Variants in CAAP1 observed in about 807,000 individuals in gnomAD.
CAAP1 encodes conserved anti-apoptotic protein.
CAAP1 carries 20 observed loss-of-function variants against 34.0 expected under a neutral mutation model. The ratio of observed to expected loss-of-function variants is 0.59; its 90% confidence interval spans 0.41 to 0.86. The LOEUF is 0.86. Ranked by LOEUF, CAAP1 falls within the 40% of genes least tolerant of loss-of-function variation. CAAP1 has a pLI of 0.00. For missense variants in CAAP1, 538 were observed against 450.5 expected (o/e 1.19, Z -1.76); for synonymous variants, 213 against 166.7 (o/e 1.28, Z -2.14).
intron 5 of CAAP1, among the ~76,000 whole-genome samples, chr9:26,852,004 T>C (rs538662043): frequency 2.6e-5 from 4 of 152,292 alleles, no homozygotes; most frequent in South Asian, 2.1e-4. Context: ...CAGAAAGAGA[T>C]ACTAGAGACT....
intron 4 of CAAP1, among the ~76,000 whole-genome samples, chr9:26,873,197 G>C (rs1047283241): frequency 6.6e-6 from 1 of 152,228 alleles, no homozygotes; most frequent in African/African-American, 2.4e-5. Flanking sequence ...ACCCGTGATT[G>C]AGCCAATGCA....
At chr9:26,866,019 G>C (rs1382492654) in intron 4 of CAAP1, among the ~76,000 whole-genome samples, 1 of 152,020 alleles carries the variant, frequency 6.6e-6, no homozygotes, top group Non-Finnish European at 1.5e-5. Flanking sequence ...GTTAATTTTT[G>C]TATTTTCAGT....
intron 5 of CAAP1, among the ~76,000 whole-genome samples, chr9:26,848,268 C>T (rs1308254873): frequency 1.3e-5 from 2 of 152,156 alleles, no homozygotes; most frequent in Admixed American, 6.5e-5. Context: ...TAACCCAGCA[C>T]TTTGGGAGGC....
chr9:26,871,595 G>A (rs964095799), intron 4 of CAAP1, among the ~76,000 whole-genome samples: 3 of 138,142 alleles, frequency 2.2e-5, no homozygotes, highest in Non-Finnish European at 4.6e-5. Context: ...AAAAAAAAAA[G>A]ATGGTGAGTA....
chr9:26,881,927 G>A (rs1420771473), intron 4 of CAAP1, among the ~76,000 whole-genome samples: 1 of 152,182 alleles, frequency 6.6e-6, no homozygotes, highest in Non-Finnish European at 1.5e-5. Flanking sequence ...AACTTGTTGG[G>A]AACTGGAGTA....
chr9:26,871,661 C>T lies in CAAP1; in HGVS notation c.666-10522G>A, dbSNP rs556267040. On this transcript the variant is annotated intron_variant, in intron 4 of 5. Coordinates refer to ENST00000333916, the MANE Select transcript of CAAP1 (RefSeq NM_024828.4). ...AATGCAGTCCAGGCATGGTTGCTCA[C>T]GCCTATAATCCCAGCACTTTGGGAA... is the stretch of plus-strand genomic sequence containing the variant. Among the ~76,000 whole-genome samples the T allele has an allele frequency of 7.1e-4, 107 of 151,476 alleles. 1 individual carries two copies. The highest frequency in any genetic ancestry group is 2.4e-3 in the African/African-American group (98 of 41,262).
chr9:26,887,465 C>G lies in CAAP1; in HGVS notation c.352G>C (p.Glu118Gln). The G allele has an allele frequency of 6.2e-7, 1 of 1,612,000 alleles. No homozygotes were observed. The highest frequency in any genetic ancestry group is 1.3e-5 in the African/African-American group (1 of 74,938). The change falls in exon 2 of 6, where the codon GAG (glutamate) becomes CAG (glutamine). Residue 118 changes from glutamate (E) to glutamine (Q), a missense_variant. This residue lies in a region of CAAP1 where 514 missense variants were observed against 408.4 expected (regional missense o/e 1.26). Transcript: ENST00000333916. ...PTLEKELFLA[E>Q]HSDLEEGGLD... ...CCACCTTCTTCAAGGTCACTGTGCT[C>G]TGCCAAGAATAATTCTTTTTCCAAA...
At chr9:26,842,897 C>T (rs927616052) in intron 5 of CAAP1, among the ~76,000 whole-genome samples, 3 of 152,064 alleles carry the variant, frequency 2.0e-5, no homozygotes, top group Non-Finnish European at 4.4e-5. Context: ...AAATTTCTTC[C>T]ATCATATGCA....
Position 26,874,120 on chromosome 9 carries a change from T to C in CAAP1, c.665+10690A>G, listed in dbSNP as rs1823357530. On this transcript the variant is annotated intron_variant, in intron 4 of 5. Coordinates refer to ENST00000333916, the MANE Select transcript of CAAP1 (RefSeq NM_024828.4). ...TGCTCGGGAGGCTGAGGCAGGAGAATGGCGTGAACCCGGGAGGTGGAACTT... is the reference window on the plus strand; with the variant it reads ...TGCTCGGGAGGCTGAGGCAGGAGAACGGCGTGAACCCGGGAGGTGGAACTT... Among the ~76,000 whole-genome samples, 4 of 139,134 alleles carry C rather than the reference T, an allele frequency of 2.9e-5. No individual in the cohort carries two copies. In the South Asian group the frequency reaches 9.1e-4, roughly 32 times the overall value. The allele number at this position is 139,134 out of a possible 152,430, so 91.3% of individuals were successfully genotyped here. A position where few individuals can be genotyped will look rare whatever the true frequency, so the allele number is the denominator to read the frequency against.
Position 26,861,108 on chromosome 9 carries a change from C to T in CAAP1, c.697G>A (p.Val233Met), listed in dbSNP as rs12342214. 13,161 of 1,611,174 alleles carry T rather than the reference C, an allele frequency of 8.2e-3. 879 individuals are homozygous for T. The African/African-American group carries it at 0.15, about 18-fold the overall frequency. Residue 233 changes from valine to methionine, a missense_variant, in exon 5 of 6, where the codon GTG (valine) becomes ATG (methionine). Val to Met is a conservative substitution (Grantham distance 21, BLOSUM62 1). Transcript: ENST00000333916. ...CCTTCAGGTTGCTTATTCTCTCTCACGGATGAAGCAGAATCTATACAGATG... is the reference window on the plus strand; with the variant it reads ...CCTTCAGGTTGCTTATTCTCTCTCATGGATGAAGCAGAATCTATACAGATG... Reference protein sequence around the residue: ...QDICIDSASSVRENKQPEGLE... With the variant: ...QDICIDSASSMRENKQPEGLE...
At chr9:26,862,376 G>A (rs1215766119) in intron 4 of CAAP1, among the ~76,000 whole-genome samples, 8 of 150,934 alleles carry the variant, frequency 5.3e-5, no homozygotes, top group African/African-American at 2.0e-4. Flanking sequence ...TCCTAGAATT[G>A]CATTTAATTA....
Position 26,884,775 on chromosome 9 carries a change from A to G in CAAP1, c.665+35T>C, listed in dbSNP as rs753789564. 4.2e-6 allele frequency: 6 copies of G among 1,427,418 alleles called. No homozygotes were observed. In the Admixed American group the frequency reaches 7.1e-5, roughly 17 times the overall value. 88.4% of individuals were successfully genotyped at this position (1,427,418 alleles called of 1,614,324 possible). On this transcript the variant is annotated intron_variant, in intron 4 of 5. Transcript: ENST00000333916. Reference sequence around the variant, plus strand: ...GAAATCACCAAAGGAATAACAAAGAAATTTTGAAATAAAAATGAAAGTTTT... The same window carrying G: ...GAAATCACCAAAGGAATAACAAAGAGATTTTGAAATAAAAATGAAAGTTTT...
At chr9:26,870,396 T>A (rs1363155350) in intron 4 of CAAP1, among the ~76,000 whole-genome samples, 1 of 151,856 alleles carries the variant, frequency 6.6e-6, no homozygotes, top group Non-Finnish European at 1.5e-5. Context: ...TAGGTTAAAA[T>A]TTCTCTACGT....
chr9:26,851,189 C>G (rs1483197096), intron 5 of CAAP1, among the ~76,000 whole-genome samples: 1 of 152,128 alleles, frequency 6.6e-6, no homozygotes, highest in East Asian at 1.9e-4. Flanking sequence ...CTTTAACATA[C>G]CAAATTACGC....
At position 26,892,419 on chromosome 9, in the gene CAAP1, C is replaced by A. The variant is rs757540510; in HGVS notation, c.297G>T (p.Leu99Phe). 1 of 1,604,864 alleles carries A rather than the reference C, an allele frequency of 6.2e-7. No individual in the cohort carries two copies. The highest frequency in any genetic ancestry group is 1.7e-5 in the Admixed American group (1 of 59,430). The change falls in exon 1 of 6, where the codon TTG (leucine) becomes TTT (phenylalanine). Residue 99 changes from leucine to phenylalanine, a missense_variant. By Grantham distance (22) the Leu-to-Phe change is conservative. Around this residue, in one of 3 missense-constraint regions of CAAP1, gnomAD observed 514 missense variants for 408.4 expected, o/e 1.26. Transcript: ENST00000333916. ...STDSSSVSGS[L>F]QQETKYILPT... ...CAGAGGGGCGCGCACGCACCTGCTG[C>A]AAGGAGCCCGAGACGCTGGAAGAGT...
chr9:26,842,912 C>T (rs148422321), intron 5 of CAAP1, among the ~76,000 whole-genome samples: 81 of 152,156 alleles, frequency 5.3e-4, no homozygotes, highest in African/African-American at 1.9e-3. Context: ...TATGCAGTAC[C>T]CATGATCTAT....
intron 5 of CAAP1, among the ~76,000 whole-genome samples, chr9:26,845,017 A>AC (rs1319212014): frequency 6.6e-6 from 1 of 152,158 alleles, no homozygotes; most frequent in Non-Finnish European, 1.5e-5. Flanking sequence ...TTATTCTGTC[A>AC]CTTTATCAAG....
At chr9:26,870,710 C>T (rs889352290) in intron 4 of CAAP1, among the ~76,000 whole-genome samples, 14 of 151,446 alleles carry the variant, frequency 9.2e-5, no homozygotes, top group African/African-American at 1.7e-4. Flanking sequence ...TCTGCCTCCC[C>T]GGTTCAGGTG....
At chr9:26,855,660 G>A in intron 5 of CAAP1, among the ~76,000 whole-genome samples, 1 of 152,140 alleles carries the variant, frequency 6.6e-6, no homozygotes, top group Non-Finnish European at 1.5e-5. Flanking sequence ...CGATGTAGCA[G>A]CCAAAACTGC....
Sources: gnomAD v4.1 joint callset for allele counts (sites outside exome capture counted in the v4.1 genomes callset) on GRCh38, gnomAD v4.1.1 for gene constraint, gnomAD v4.1.1 regional missense constraint, MANE v1.5 for transcripts, NCBI Gene and HGNC (gene_info 2026-07-23, HGNC 2026-07-21) for gene names.